The following MIAT variants were observed in gnomAD, a reference collection of about 807,000 sequenced individuals.
MIAT encodes the protein MI related novel mRNA.
rs533106381 is a variant in MIAT, at chr22:26,658,644, G to A, written n.647-4672G>A. On this transcript the variant is annotated intron_variant and non_coding_transcript_variant, in intron 2 of 5. Transcript: ENST00000643270. Reference sequence around the variant, plus strand: ...TGTTTCTGGGATTGTGCAGGAGGAGGCCTGGGGGGCGCGCCCTGGATTCCC... The same window carrying A: ...TGTTTCTGGGATTGTGCAGGAGGAGACCTGGGGGGCGCGCCCTGGATTCCC... 2.6e-4 allele frequency among the ~76,000 whole-genome samples: 39 copies of A among 152,296 alleles called. 2 individuals carry two copies. In the East Asian group the frequency reaches 4.5e-3, roughly 17 times the overall value.
rs535984304 is a variant in MIAT at position 26,649,616 on chromosome 22, G to A, written n.646+2305G>A. Among the ~76,000 whole-genome samples the A allele has an allele frequency of 5.3e-5, 8 of 152,292 alleles. No homozygotes were observed. In the South Asian group the frequency reaches 1.2e-3, roughly 24 times the overall value. ...CAGGGATCATCCTTCAACCATAAGAGATAAAAGCAGGTGGAGGGCAGGGCA... is the reference window on the plus strand; with the variant it reads ...CAGGGATCATCCTTCAACCATAAGAAATAAAAGCAGGTGGAGGGCAGGGCA... On this transcript the variant is annotated intron_variant and non_coding_transcript_variant, in intron 2 of 5. Coordinates refer to ENST00000643270, the Ensembl canonical transcript of MIAT.
intron 2 of MIAT, among the ~76,000 whole-genome samples, chr22:26,648,592 A>G (rs1340577115): frequency 6.7e-6 from 1 of 150,202 alleles, no homozygotes; most frequent in Non-Finnish European, 1.5e-5. Flanking sequence ...AAAATGGGTC[A>G]TAGACTCCAT....
downstream of MIAT, chr22:26,670,604 A>T (rs1415113339): frequency 2.4e-4 from 46 of 192,078 alleles, no homozygotes; most frequent in Admixed American, 8.3e-4. Flanking sequence ...TTGCTCCTTA[A>T]AAAAAAAAAA....
At chr22:26,670,968 T>C (rs1318974188), downstream of MIAT, 2 of 398,084 alleles carry the variant, frequency 5.0e-6, no homozygotes, top group African/African-American at 4.1e-5. Flanking sequence ...TGCGTTTTTT[T>C]TTTTTCTAAT....
At chr22:26,651,247 G>A (rs938736856) in intron 2 of MIAT, among the ~76,000 whole-genome samples, 2 of 152,206 alleles carry the variant, frequency 1.3e-5, no homozygotes, top group Admixed American at 1.3e-4. Context: ...TGACTCAAAT[G>A]AGATTTTCTA....
downstream of MIAT, chr22:26,674,409 C>CA (rs1437732126): frequency 5.0e-6 from 2 of 398,796 alleles, no homozygotes; most frequent in East Asian, 7.1e-5. Flanking sequence ...GTCTGGTAGT[C>CA]AGAGTCTGCA....
At chr22:26,673,646 C>G (rs1040025117), downstream of MIAT, 11 of 397,796 alleles carry the variant, frequency 2.8e-5, no homozygotes, top group South Asian at 1.3e-4. Flanking sequence ...GCTAACACAG[C>G]TTTGAACTTG....
At position 26,650,012 on chromosome 22, in the gene MIAT, G is replaced by C. The variant is rs189553752; in HGVS notation, n.646+2701G>C. Among the ~76,000 whole-genome samples, 9 of 152,372 alleles carry C rather than the reference G, an allele frequency of 5.9e-5. No homozygotes were observed. The East Asian group carries it at 1.7e-3, about 29-fold the overall frequency. The stretch of plus-strand genomic sequence containing the variant: ...TCCCAGAAGACCTCAGCAGGACTGA[G>C]TTCTAGTCGCTAACAACTTGCTCAT... On this transcript the variant is annotated intron_variant and non_coding_transcript_variant, in intron 2 of 5. Transcript: ENST00000643270.
At chr22:26,671,206 G>C (rs1931032312), downstream of MIAT, 1 of 398,678 alleles carries the variant, frequency 2.5e-6, no homozygotes, top group Non-Finnish European at 4.4e-6. Context: ...TGAAATATTT[G>C]CAGGGGGTGC....
At chr22:26,662,372 A>G (rs1930707455) in intron 2 of MIAT, among the ~76,000 whole-genome samples, 1 of 152,170 alleles carries the variant, frequency 6.6e-6, no homozygotes, top group Non-Finnish European at 1.5e-5. Context: ...AGTGGGGATA[A>G]TAAAACCCAG....
At chr22:26,659,112 G>C (rs936141308) in intron 2 of MIAT, among the ~76,000 whole-genome samples, 2 of 152,128 alleles carry the variant, frequency 1.3e-5, no homozygotes, top group Admixed American at 6.5e-5. Context: ...GGTTTGGGGT[G>C]GGGCTGGGTA....
At chr22:26,658,674 C>T (rs1052298024) in intron 2 of MIAT, among the ~76,000 whole-genome samples, 5 of 152,194 alleles carry the variant, frequency 3.3e-5, no homozygotes, top group Non-Finnish European at 7.4e-5. Flanking sequence ...ATTCCCCACC[C>T]TCATCCCAGG....
intron 2 of MIAT, chr22:26,657,192 C>A (rs113333750): frequency 7.9e-6 from 2 of 253,452 alleles, no homozygotes; most frequent in African/African-American, 2.2e-5. Flanking sequence ...GAGCTCTCTG[C>A]GGCCTAATGT....
chr22:26,669,737 G>C (rs1930977047), downstream of MIAT: 1 of 399,048 alleles, frequency 2.5e-6, no homozygotes, highest in Non-Finnish European at 4.4e-6. Flanking sequence ...GAGAGGTATG[G>C]GAAGCAGACA....
chr22:26,652,818 T>C (rs980424791), intron 2 of MIAT, among the ~76,000 whole-genome samples: 1 of 152,144 alleles, frequency 6.6e-6, no homozygotes, highest in Non-Finnish European at 1.5e-5. Flanking sequence ...GTGTCAGAAT[T>C]CTCCTGGAAA....
chr22:26,662,919 A>G (rs1482233772), intron 2 of MIAT, among the ~76,000 whole-genome samples: 3 of 152,214 alleles, frequency 2.0e-5, no homozygotes, highest in Non-Finnish European at 2.9e-5. Flanking sequence ...TAATAATAAT[A>G]ATGATGTAAG....
At chr22:26,673,643 C>T (rs957992032), downstream of MIAT, 31 of 391,862 alleles carry the variant, frequency 7.9e-5, no homozygotes, top group Non-Finnish European at 4.5e-5. Flanking sequence ...GGGGCTAACA[C>T]AGCTTTGAAC....
At chr22:26,668,021 T>A (rs535973048) in intron 5 of MIAT, 2 of 396,676 alleles carry the variant, frequency 5.0e-6, no homozygotes, top group Admixed American at 4.4e-5. Flanking sequence ...TTCCACCCTG[T>A]GTGTGTGCTG....
chr22:26,646,536 G>T (rs1302445083), exon 1 of MIAT: 3 of 398,814 alleles, frequency 7.5e-6, no homozygotes, highest in African/African-American at 6.2e-5. Flanking sequence ...CAGGGTCAGG[G>T]AGAGGGCTCT....
Sources: allele counts gnomAD v4.1 joint callset (sites outside exome capture counted in the v4.1 genomes callset), GRCh38; gene constraint gnomAD v4.1.1; transcripts MANE v1.5; gene names NCBI Gene and HGNC (gene_info 2026-07-23, HGNC 2026-07-21).